The following ZNF827 variants were observed in gnomAD, a reference collection of about 807,000 sequenced individuals.
The protein encoded by ZNF827 is zinc finger protein 827.
In ZNF827, 13 loss-of-function variants were observed where a neutral mutation model predicts 102.4. The ratio of observed to expected loss-of-function variants is 0.13; its 90% CI spans 0.08 to 0.20. The LOEUF (loss-of-function observed/expected upper bound fraction) is 0.20. Among genes scored for constraint, ZNF827 ranks in the 10% least tolerant of loss-of-function variants. The pLI, the probability that ZNF827 is intolerant of heterozygous loss-of-function variation, is 1.00. For missense variants in ZNF827, 1,103 were observed against 1,344.4 expected (o/e 0.82, Z 2.81); for synonymous variants, 523 against 536.2 (o/e 0.98, Z 0.34).
intron 8 of ZNF827, among the ~76,000 whole-genome samples, chr4:145,811,447 T>C (rs1052632158): frequency 1.3e-5 from 2 of 152,186 alleles, no homozygotes; most frequent in African/African-American, 2.4e-5. Flanking sequence ...GAAATGGCTA[T>C]GTACATGTGG....
At chr4:145,828,803 G>T (rs1743919692) in intron 7 of ZNF827, among the ~76,000 whole-genome samples, 1 of 152,150 alleles carries the variant, frequency 6.6e-6, no homozygotes, top group Non-Finnish European at 1.5e-5. Flanking sequence ...GCAGCACAGG[G>T]CTGAGAAAGG....
At chr4:145,863,981 C>T (rs1374837976) in intron 5 of ZNF827, among the ~76,000 whole-genome samples, 1 of 151,950 alleles carries the variant, frequency 6.6e-6, no homozygotes, top group Non-Finnish European at 1.5e-5. Flanking sequence ...ATTGTCTGAG[C>T]TCAGATGTTC....
chr4:145,777,376 CTT>C (rs1358055438), intron 9 of ZNF827, among the ~76,000 whole-genome samples: 1 of 152,192 alleles, frequency 6.6e-6, no homozygotes, highest in Admixed American at 6.5e-5. Context: ...GGAATTTCCT[CTT>C]CTCAAAAGGT....
At chr4:145,882,938 C>T (rs1473338507) in intron 4 of ZNF827, among the ~76,000 whole-genome samples, 3 of 152,090 alleles carry the variant, frequency 2.0e-5, no homozygotes, top group East Asian at 1.9e-4. Flanking sequence ...GAAACTCAGC[C>T]GCAGCTCCCT....
chr4:145,907,198 CT>C (rs754775092), intron 1 of ZNF827: 12 of 454,974 alleles, frequency 2.6e-5, no homozygotes, highest in Admixed American at 9.5e-5. Context: ...TTTTCTCCCA[CT>C]TTTTTTTTCT....
chr4:145,821,791 T>A (rs1365151292), intron 8 of ZNF827, among the ~76,000 whole-genome samples: 1 of 152,144 alleles, frequency 6.6e-6, no homozygotes, highest in African/African-American at 2.4e-5. Context: ...ATCAAGCAAA[T>A]CACGGAAAAC....
At chr4:145,851,067 G>A (rs1746478651) in intron 5 of ZNF827, among the ~76,000 whole-genome samples, 1 of 152,184 alleles carries the variant, frequency 6.6e-6, no homozygotes, top group Admixed American at 6.5e-5. Flanking sequence ...CTGGAGTGAT[G>A]CAGCCACAAA....
intron 4 of ZNF827, among the ~76,000 whole-genome samples, chr4:145,885,164 C>G (rs1269955243): frequency 6.6e-6 from 1 of 151,990 alleles, no homozygotes; most frequent in Admixed American, 6.5e-5. Flanking sequence ...TGAAAAACTT[C>G]TTAAAGATAG....
At chr4:145,808,861 C>T (rs1486737991) in intron 8 of ZNF827, among the ~76,000 whole-genome samples, 1 of 152,152 alleles carries the variant, frequency 6.6e-6, no homozygotes, top group Non-Finnish European at 1.5e-5. Context: ...GTGGCTTGAT[C>T]TTATTAATAG....
rs1249597405 is a variant in ZNF827, at chr4:145,761,853, G to T, written c.*18-255C>A. 6.6e-6 allele frequency among the ~76,000 whole-genome samples: 1 copy of T among 152,174 alleles called. No individual in the cohort carries two copies. Among genetic ancestry groups the T allele is most frequent in the African/African-American group, 2.4e-5 (1 of 41,428 alleles). ...TATTCTGGGTCTCTTGGCCGATACA[G>T]GCAAGGCCAGCCCTCACCAAGGGGA... On this transcript the variant is annotated intron_variant, in intron 14 of 14. Transcript: ENST00000508784. The surrounding 1 kb of genome is among the most constrained non-coding windows in gnomAD (Gnocchi z 6.8).
intron 8 of ZNF827, among the ~76,000 whole-genome samples, chr4:145,803,675 C>T (rs1741137008): frequency 6.6e-6 from 1 of 152,096 alleles, no homozygotes; most frequent in African/African-American, 2.4e-5. Context: ...CAAAGGATTC[C>T]TTATAAATTG....
intron 8 of ZNF827, among the ~76,000 whole-genome samples, chr4:145,820,483 A>C (rs867235541): frequency 6.6e-6 from 1 of 152,218 alleles, no homozygotes; most frequent in African/African-American, 2.4e-5. Context: ...ACTACCTAAG[A>C]GAAGATTTCT....
intron 1 of ZNF827, among the ~76,000 whole-genome samples, chr4:145,916,782 C>A (rs765521034): frequency 2.6e-5 from 4 of 152,134 alleles, no homozygotes; most frequent in Admixed American, 1.3e-4. Flanking sequence ...TTAATAGAAG[C>A]CATGTAGCTC....
At chr4:145,873,133 C>T (rs2126769823) in intron 4 of ZNF827, among the ~76,000 whole-genome samples, 1 of 151,934 alleles carries the variant, frequency 6.6e-6, no homozygotes, top group East Asian at 2.0e-4. Flanking sequence ...GATGGGGTTT[C>T]ACCATGTTAG....
chr4:145,866,061 G>A (rs1035607006), intron 5 of ZNF827, among the ~76,000 whole-genome samples: 1 of 152,194 alleles, frequency 6.6e-6, no homozygotes, highest in Non-Finnish European at 1.5e-5. Flanking sequence ...GAAATGAGGT[G>A]AGGAAGGGGG....
At chr4:145,791,250 C>T (rs1739639555) in intron 8 of ZNF827, among the ~76,000 whole-genome samples, 1 of 152,194 alleles carries the variant, frequency 6.6e-6, no homozygotes, top group Non-Finnish European at 1.5e-5. Context: ...TTTCTCACTC[C>T]ACCCTCACAT....
At chr4:145,893,891 G>A (rs769906235) in intron 2 of ZNF827, among the ~76,000 whole-genome samples, 3 of 151,708 alleles carry the variant, frequency 2.0e-5, no homozygotes, top group Non-Finnish European at 4.4e-5. Context: ...CATGTAAGTG[G>A]CATTTTTAAA....
intron 1 of ZNF827, among the ~76,000 whole-genome samples, chr4:145,933,031 C>T (rs1753927211): frequency 6.6e-6 from 1 of 152,216 alleles, no homozygotes; most frequent in Non-Finnish European, 1.5e-5. Flanking sequence ...ACACTTTGTG[C>T]AGCAAGACTT....
chr4:145,820,376 A>G (rs1368078975), intron 8 of ZNF827, among the ~76,000 whole-genome samples: 1 of 152,208 alleles, frequency 6.6e-6, no homozygotes, highest in Non-Finnish European at 1.5e-5. Flanking sequence ...AATCTGAGAG[A>G]GTTCTCTGGG....
Sources: allele counts gnomAD v4.1 joint callset (sites outside exome capture counted in the v4.1 genomes callset), GRCh38; gene constraint gnomAD v4.1.1; non-coding constraint Gnocchi (gnomAD v3.1); transcripts MANE v1.5; gene names NCBI Gene and HGNC (gene_info 2026-07-23, HGNC 2026-07-21).